GPC5: variants seen among roughly 807,000 people sequenced by gnomAD.
GPC5 encodes the protein glypican 5.
In GPC5, 47 loss-of-function variants were observed where a neutral mutation model predicts 53.9. The ratio of observed to expected loss-of-function variants is 0.87; its 90% CI spans 0.69 to 1.11. The LOEUF (loss-of-function observed/expected upper bound fraction) is 1.11, where lower values mean the gene tolerates loss of function less well. Among genes scored for constraint, GPC5 ranks in the 50% most tolerant of loss-of-function variants. The probability of loss-of-function intolerance (pLI) is 0.00; values close to 1 mark genes in which losing one functional copy is unlikely to be tolerated. For synonymous variants in GPC5, 286 were observed against 263.3 expected, an observed-to-expected ratio of 1.09 and a Z score of -0.84; for missense variants, 748 against 713.1, an observed-to-expected ratio of 1.05 and a Z score of -0.56.
chr13:91,926,760 C>T (rs1485874271), intron 6 of GPC5, among the ~76,000 whole-genome samples: 1 of 152,164 alleles, frequency 6.6e-6, no homozygotes, highest in South Asian at 2.1e-4. Context: ...GGAAAATAAT[C>T]TCATCTACCA....
intron 5 of GPC5, among the ~76,000 whole-genome samples, chr13:91,872,067 T>C (rs2039151411): frequency 6.6e-6 from 1 of 152,010 alleles, no homozygotes; most frequent in Non-Finnish European, 1.5e-5. Context: ...AAGGTGTGGA[T>C]GGAGTCCCTC....
Position 92,197,449 on chromosome 13 carries a change from G to T in GPC5, c.1561+52460G>T, listed in dbSNP as rs186308195. 1.1e-4 allele frequency among the ~76,000 whole-genome samples: 16 copies of T among 152,208 alleles called. No homozygotes were observed. In the East Asian group the frequency reaches 1.4e-3, roughly 13 times the overall value. On this transcript the variant is annotated intron_variant, in intron 7 of 7. Transcript: ENST00000377067. ...CTGGAAAATATGATTTATATACAAAGATTAAATCTTTGCTCAAATCACTTG... is the reference window on the plus strand; with the variant it reads ...CTGGAAAATATGATTTATATACAAATATTAAATCTTTGCTCAAATCACTTG...
At chr13:92,047,308 A>G (rs2040989999) in intron 6 of GPC5, among the ~76,000 whole-genome samples, 1 of 152,116 alleles carries the variant, frequency 6.6e-6, no homozygotes, top group Non-Finnish European at 1.5e-5. Flanking sequence ...GTTGGATGGC[A>G]TGAAAACATA....
At chr13:91,407,294 A>T (rs1253380429) in intron 1 of GPC5, among the ~76,000 whole-genome samples, 1 of 152,234 alleles carries the variant, frequency 6.6e-6, no homozygotes, top group East Asian at 1.9e-4. Context: ...TTTTAAATTT[A>T]AAGGACTTTT....
chr13:92,060,396 C>A (rs945913591), intron 6 of GPC5, among the ~76,000 whole-genome samples: 2 of 152,046 alleles, frequency 1.3e-5, no homozygotes, highest in Admixed American at 1.3e-4. Context: ...TAACCATATA[C>A]AGTACAAAAA....
intron 2 of GPC5, among the ~76,000 whole-genome samples, chr13:91,662,972 A>G (rs905878177): frequency 6.6e-6 from 1 of 152,204 alleles, no homozygotes; most frequent in Non-Finnish European, 1.5e-5. Context: ...GGAAACTGGA[A>G]CTAGATTTTG....
chr13:92,097,964 C>T (rs1430599196), intron 6 of GPC5, among the ~76,000 whole-genome samples: 4 of 152,104 alleles, frequency 2.6e-5, no homozygotes, highest in Non-Finnish European at 4.4e-5. Context: ...TTGCTTGACA[C>T]CTTTAAGTCT....
chr13:92,439,128 T>A (rs576648913), intron 7 of GPC5, among the ~76,000 whole-genome samples: 269 of 152,154 alleles, frequency 1.8e-3, no homozygotes, highest in Non-Finnish European at 2.3e-3. Context: ...GAGAAGACAA[T>A]CTAAGATATA....
intron 7 of GPC5, among the ~76,000 whole-genome samples, chr13:92,791,042 T>C (rs575248917): frequency 2.8e-4 from 43 of 152,196 alleles, no homozygotes; most frequent in African/African-American, 1.0e-3. Context: ...ACTAAAAATA[T>C]TGAAAATATT....
chr13:92,113,205 A>G (rs1482961085), intron 6 of GPC5, among the ~76,000 whole-genome samples: 2 of 152,134 alleles, frequency 1.3e-5, no homozygotes, highest in African/African-American at 4.8e-5. Flanking sequence ...CTCCATTTTA[A>G]ATAATGATAT....
intron 7 of GPC5, among the ~76,000 whole-genome samples, chr13:92,360,614 G>A (rs1156735539): frequency 1.3e-5 from 2 of 151,486 alleles, no homozygotes; most frequent in East Asian, 3.9e-4. Flanking sequence ...CATAGTATTG[G>A]AAGTCTTGAT....
chr13:92,657,373 C>T (rs1886170620), intron 7 of GPC5, among the ~76,000 whole-genome samples: 2 of 152,162 alleles, frequency 1.3e-5, no homozygotes, highest in South Asian at 4.1e-4. Context: ...GCCTGGCTCT[C>T]AGTTCTAAAG....
At chr13:92,360,927 G>T (rs1016228991) in intron 7 of GPC5, among the ~76,000 whole-genome samples, 1 of 151,730 alleles carries the variant, frequency 6.6e-6, no homozygotes, top group East Asian at 1.9e-4. Context: ...AAATGCCTAT[G>T]GGGCAACCTA....
intron 6 of GPC5, among the ~76,000 whole-genome samples, chr13:92,127,453 CT>C (rs1345051416): frequency 2.0e-5 from 3 of 151,924 alleles, no homozygotes; most frequent in Non-Finnish European, 2.9e-5. Flanking sequence ...AATCAGGTTC[CT>C]TTTGTTGTTT....
chr13:92,481,871 G>A (rs1269433863), intron 7 of GPC5, among the ~76,000 whole-genome samples: 1 of 152,122 alleles, frequency 6.6e-6, no homozygotes, highest in Non-Finnish European at 1.5e-5. Flanking sequence ...GCTGACACCT[G>A]TAAACCCAGC....
chr13:92,102,203 GT>G (rs1442887844), intron 6 of GPC5, among the ~76,000 whole-genome samples: 1 of 152,048 alleles, frequency 6.6e-6, no homozygotes, highest in Non-Finnish European at 1.5e-5. Context: ...TATAAGAGGG[GT>G]GGGGAATAAA....
At chr13:92,593,064 TGA>T (rs1883765203) in intron 7 of GPC5, among the ~76,000 whole-genome samples, 1 of 151,034 alleles carries the variant, frequency 6.6e-6, no homozygotes, top group Admixed American at 6.6e-5. Context: ...TGAATGAGGT[TGA>T]GGGATGGGGA....
intron 7 of GPC5, among the ~76,000 whole-genome samples, chr13:92,322,742 T>A (rs531883319): frequency 6.6e-6 from 1 of 152,314 alleles, no homozygotes; most frequent in African/African-American, 2.4e-5. Flanking sequence ...TAAGGTTCCA[T>A]GCTCAATTTA....
chr13:92,697,396 C>T (rs1887589156), intron 7 of GPC5, among the ~76,000 whole-genome samples: 1 of 152,072 alleles, frequency 6.6e-6, no homozygotes, highest in South Asian at 2.1e-4. Context: ...TGTAGTTCTC[C>T]TTGAAGAGGT....
Sources: allele counts gnomAD v4.1 joint callset (sites outside exome capture counted in the v4.1 genomes callset), GRCh38; gene constraint gnomAD v4.1.1; transcripts MANE v1.5; gene names NCBI Gene and HGNC (gene_info 2026-07-23, HGNC 2026-07-21).